Variants in STT3A observed in about 807,000 individuals in gnomAD.
STT3A encodes STT3 oligosaccharyltransferase complex catalytic subunit A.
STT3A carries 34 observed loss-of-function variants against 89.2 expected under a neutral mutation model. The ratio of observed to expected loss-of-function variants is 0.38; its 90% CI spans 0.29 to 0.51. The LOEUF is 0.51. STT3A is among the 20% of genes least tolerant of loss of function. The pLI is 0.89. For missense variants in STT3A, 555 were observed against 889.5 expected, an observed-to-expected ratio of 0.62 and a Z score of 4.78; for synonymous variants, 282 against 310.3, an observed-to-expected ratio of 0.91 and a Z score of 0.96.
At chr11:125,603,112 AAT>A (rs1297516169) in intron 5 of STT3A, among the ~76,000 whole-genome samples, 164 bp downstream of exon 5, 1 of 152,224 alleles carries the variant, frequency 6.6e-6, no homozygotes, top group Non-Finnish European at 1.5e-5. Flanking sequence ...CCCTTTCTGC[AAT>A]ATGTGTTTTT....
At position 125,602,318 on chromosome 11, in the gene STT3A, G is replaced by T. The variant is rs1939706900; in HGVS notation, c.165G>T (p.Arg55=). Residue 55 remains arginine (R), a synonymous_variant, in exon 4 of 18, where the codon CGG becomes CGT. Transcript: ENST00000392708. The stretch of plus-strand genomic sequence containing the variant: ...CTTGCTATAGGTACTTTAATTATCG[G>T]ACTACCAGGTTCCTGGCTGAGGAGG... ...IHEFDPYFNY[R]TTRFLAEEGF... 1 of 1,612,588 alleles carries T rather than the reference G, an allele frequency of 6.2e-7. No homozygotes were observed. Among genetic ancestry groups the T allele is most frequent in the Non-Finnish European group, 8.5e-7 (1 of 1,179,618 alleles).
chr11:125,621,002 T>A lies in STT3A; in HGVS notation c.*192T>A, dbSNP rs1565354588. The A allele has an allele frequency of 2.1e-6, 1 of 467,440 alleles. No individual in the cohort carries two copies. Among genetic ancestry groups the A allele is most frequent in the African/African-American group, 2.0e-5 (1 of 49,714 alleles). The allele number at this position is 467,440 out of a possible 1,614,324, so 29.0% of individuals were successfully genotyped here. A position where few individuals can be genotyped will look rare whatever the true frequency, so the allele number is the denominator to read the frequency against. ...AATGATTTTTATAATTCTAAACAGGTTACCAAATGAAATGTCATGGCTTTA... is the reference window on the plus strand; with the variant it reads ...AATGATTTTTATAATTCTAAACAGGATACCAAATGAAATGTCATGGCTTTA... On this transcript the variant is annotated 3_prime_UTR_variant, in exon 18 of 18. Coordinates refer to ENST00000392708, the MANE Select transcript of STT3A (RefSeq NM_152713.5).
At chr11:125,596,823 T>G (rs1217651991) in intron 2 of STT3A, among the ~76,000 whole-genome samples, 1 of 152,228 alleles carries the variant, frequency 6.6e-6, no homozygotes, top group Non-Finnish European at 1.5e-5. Context: ...TTATAGGCTT[T>G]TATAATTAGT....
At chr11:125,606,587 A>G in intron 8 of STT3A, 122 bp downstream of exon 8, 3 of 1,107,012 alleles carry the variant, frequency 2.7e-6, no homozygotes, top group East Asian at 2.6e-5. Context: ...ATATTGAACT[A>G]CTTGTGTTAG....
intron 3 of STT3A, among the ~76,000 whole-genome samples, chr11:125,598,855 TC>T (rs1042652260): frequency 6.6e-6 from 1 of 152,068 alleles, no homozygotes; most frequent in African/African-American, 2.4e-5. Context: ...CAATCCTCCC[TC>T]CTCAGCCTCC....
intron 3 of STT3A, among the ~76,000 whole-genome samples, chr11:125,601,689 TG>T (rs1591372483): frequency 1.3e-5 from 2 of 152,312 alleles, no homozygotes; most frequent in East Asian, 3.9e-4. Flanking sequence ...TTTGTCTTCA[TG>T]GTGCTTGAAT....
intron 2 of STT3A, among the ~76,000 whole-genome samples, chr11:125,596,811 T>C (rs1277560325): frequency 6.6e-6 from 1 of 152,190 alleles, no homozygotes; most frequent in Non-Finnish European, 1.5e-5. Flanking sequence ...GTGAATGTAA[T>C]GTTATAGGCT....
intron 10 of STT3A, among the ~76,000 whole-genome samples, chr11:125,610,322 C>T (rs1939967572): frequency 6.6e-6 from 1 of 152,130 alleles, no homozygotes; most frequent in Non-Finnish European, 1.5e-5. Flanking sequence ...ACCTTGGCCT[C>T]CCATAGTGCT....
intron 6 of STT3A, among the ~76,000 whole-genome samples, chr11:125,605,016 C>T (rs908430315): frequency 6.6e-6 from 1 of 152,068 alleles, no homozygotes; most frequent in African/African-American, 2.4e-5. Flanking sequence ...GTGGGAGGAT[C>T]GCTTGAGCCT....
intron 8 of STT3A, 51 bp downstream of exon 8, chr11:125,606,516 C>A (rs776623539): frequency 1.4e-5 from 21 of 1,535,382 alleles, no homozygotes; most frequent in Non-Finnish European, 2.6e-6. Flanking sequence ...TCTATGCAGC[C>A]CCAACTAGAC....
rs17140175 is a variant in STT3A, at chr11:125,621,389, A to G, written c.*579A>G. On this transcript the variant is annotated 3_prime_UTR_variant, in exon 18 of 18. Transcript: ENST00000392708. ...CTGGGCTACTATGTCTCTGTTCTCAATGTCTTTTATCCTTAGACGCTCTTT... is the reference window on the plus strand; with the variant it reads ...CTGGGCTACTATGTCTCTGTTCTCAGTGTCTTTTATCCTTAGACGCTCTTT... 17,131 of 152,182 alleles carry G rather than the reference A, an allele frequency of 0.11. 1,476 individuals are homozygous for G. The highest frequency in any genetic ancestry group is 0.24 in the African/African-American group (10,033 of 41,472). 9.4% of individuals were successfully genotyped at this position (152,182 alleles called of 1,614,324 possible).
chr11:125,616,866 T>C (rs956046303), intron 15 of STT3A, among the ~76,000 whole-genome samples: 9 of 152,124 alleles, frequency 5.9e-5, no homozygotes, highest in African/African-American at 2.2e-4. Flanking sequence ...TTTGTAGAGA[T>C]TGGGTTTCGC....
At chr11:125,604,393 C>T (rs1939776926) in intron 6 of STT3A, 146 bp downstream of exon 6, 7 of 753,476 alleles carry the variant, frequency 9.3e-6, no homozygotes, top group Admixed American at 2.8e-5. Context: ...TGGACAAGCT[C>T]ATGTTCTCTT....
rs1939942722 is a variant in STT3A, at chr11:125,609,598, C to A, written c.1117+9C>A. 1.2e-6 allele frequency: 2 copies of A among 1,603,700 alleles called. No homozygotes were observed. The highest frequency in any genetic ancestry group is 1.7e-6 in the Non-Finnish European group (2 of 1,176,570). On this transcript the variant is annotated intron_variant, in intron 10 of 17. Coordinates refer to ENST00000392708, the MANE Select transcript of STT3A (RefSeq NM_152713.5). ...CGTCTTCATGTTTCCAGGTATGTGG[C>A]CTCGTGTTCTGAAATGGCCTTGTTC...
At chr11:125,603,363 T>G (rs1322924340) in intron 5 of STT3A, 2 of 161,246 alleles carry the variant, frequency 1.2e-5, no homozygotes, top group African/African-American at 4.8e-5. Context: ...ATTTTAAAAT[T>G]CTTAAGCCAT....
rs1051737 is a variant in STT3A at position 125,621,058 on chromosome 11, A to T, written c.*248A>T. 1.8e-4 allele frequency: 72 copies of T among 391,778 alleles called. No individual in the cohort carries two copies. Among genetic ancestry groups the T allele is most frequent in the Admixed American group, 1.3e-3 (30 of 23,204 alleles). 24.3% of individuals were successfully genotyped at this position (391,778 alleles called of 1,614,324 possible). A position where few individuals can be genotyped will look rare whatever the true frequency, so the allele number is the denominator to read the frequency against. On this transcript the variant is annotated 3_prime_UTR_variant, in exon 18 of 18. Transcript: ENST00000392708. ...GTCAATTAAAGGGGGGAATTTTTTT[A>T]AAAAATGTGCCTTATTTGTTTTGAC... is the stretch of plus-strand genomic sequence containing the variant.
chr11:125,613,798 T>C lies in STT3A; in HGVS notation c.1555-289T>C, dbSNP rs146159344. 77 of 308,946 alleles carry C rather than the reference T, an allele frequency of 2.5e-4. No homozygotes were observed. The highest frequency in any genetic ancestry group is 1.6e-3 in the African/African-American group (74 of 46,376). The allele number at this position is 308,946 out of a possible 1,614,324, so 19.1% of individuals were successfully genotyped here. A position where few individuals can be genotyped will look rare whatever the true frequency, so the allele number is the denominator to read the frequency against. ...AATGACACTAGGCTATTGATGTGGC[T>C]ACATTGCACAGTCTCCCACACCTCC... On this transcript the variant is annotated intron_variant, in intron 13 of 17. Coordinates refer to ENST00000392708, the MANE Select transcript of STT3A (RefSeq NM_152713.5). This position sits in a 1 kb window ranked among gnomAD's most constrained non-coding sequence, Gnocchi z 4.2.
At chr11:125,611,198 G>A in intron 10 of STT3A, 1 of 384,270 alleles carries the variant, frequency 2.6e-6, no homozygotes, top group Non-Finnish European at 4.7e-6. Flanking sequence ...AGTATAATTA[G>A]CTCCTTGTTT....
chr11:125,597,065 C>G lies in STT3A; in HGVS notation c.95C>G (p.Ser32Cys). Reference protein sequence around the residue: ...ILSMAAVLSFSTRLFAVLRFE... With the variant: ...ILSMAAVLSFCTRLFAVLRFE... ...AACTCTCTGGTTTTTGCAGCCTTCT[C>G]CACTCGTCTGTTTGCTGTCCTGAGA... Residue 32 changes from serine (S) to cysteine (C), a missense_variant, in exon 3 of 18, where the codon TCC (serine) becomes TGC (cysteine). Around this residue, in one of 5 missense-constraint regions of STT3A, gnomAD observed 129 missense variants for 193.2 expected, o/e 0.67. Coordinates refer to ENST00000392708, the MANE Select transcript of STT3A (RefSeq NM_152713.5). 1 of 1,613,996 alleles carries G rather than the reference C, an allele frequency of 6.2e-7. No homozygotes were observed. The highest frequency in any genetic ancestry group is 8.5e-7 in the Non-Finnish European group (1 of 1,179,982).
Sources: allele counts gnomAD v4.1 joint callset (sites outside exome capture counted in the v4.1 genomes callset), GRCh38; gene constraint gnomAD v4.1.1; regional missense constraint gnomAD v4.1.1; non-coding constraint Gnocchi (gnomAD v3.1); transcripts MANE v1.5; gene names NCBI Gene and HGNC (gene_info 2026-07-23, HGNC 2026-07-21).